Variants in SIGLEC12 observed in about 807,000 individuals in gnomAD.
SIGLEC12 encodes sialic acid-binding Ig-like lectin 12.
A neutral mutation model predicts 54.1 loss-of-function variants in SIGLEC12; 43 were observed. The ratio of observed to expected loss-of-function variants is 0.80; its 90% CI spans 0.62 to 1.03. The LOEUF (loss-of-function observed/expected upper bound fraction) is 1.03, where lower values mean the gene tolerates loss of function less well. SIGLEC12 is among the 50% of genes least tolerant of loss of function. SIGLEC12 has a pLI of 0.00. For missense variants in SIGLEC12, 802 were observed against 735.2 expected, an observed-to-expected ratio of 1.09 and a Z score of -1.05; for synonymous variants, 357 against 307.6, an observed-to-expected ratio of 1.16 and a Z score of -1.68.
rs746239305 is a variant in SIGLEC12 at position 51,498,009 on chromosome 19, C to T, written c.1405+9G>A. 5 of 1,614,078 alleles carry T rather than the reference C, an allele frequency of 3.1e-6. No homozygotes were observed. Among genetic ancestry groups the T allele is most frequent in the African/African-American group, 2.7e-5 (2 of 75,062 alleles). ...TGTGTTCTCCTCCTCCAGACCCTCC[C>T]CTACCCACCTGTGTACTCGTTTTGC... On this transcript the variant is annotated intron_variant, in intron 5 of 7. Coordinates refer to ENST00000291707, the MANE Select transcript of SIGLEC12 (RefSeq NM_053003.4).
intron 7 of SIGLEC12, among the ~76,000 whole-genome samples, chr19:51,494,237 A>G (rs1486237594): frequency 6.6e-6 from 1 of 152,192 alleles, no homozygotes; most frequent in Non-Finnish European, 1.5e-5. Flanking sequence ...TTTAATATCC[A>G]GAATATATTA....
In SIGLEC12 at chr19:51,497,978, G is replaced by A. The variant is rs754699021; in HGVS notation, c.1405+40C>T. 11 of 1,609,462 alleles carry A rather than the reference G, an allele frequency of 6.8e-6. No individual in the cohort carries two copies. The Admixed American group carries it at 1.5e-4, about 22-fold the overall frequency. ...TCTCCCAGCTGGACCCTGAGGGTGG[G>A]ACATGTGTGTTCTCCTCCTCCAGAC... On this transcript the variant is annotated intron_variant, in intron 5 of 7. Transcript: ENST00000291707.
rs549712490 is a variant in SIGLEC12, at chr19:51,492,242, A to G, written c.1600-413T>C. Reference sequence around the variant, plus strand: ...ATGGACTGTGGTGGACACGGTAGGCATGGGCTCTGACCCCCTGCATCTCAC... The same window carrying G: ...ATGGACTGTGGTGGACACGGTAGGCGTGGGCTCTGACCCCCTGCATCTCAC... On this transcript the variant is annotated intron_variant, in intron 7 of 7. Transcript: ENST00000291707. Among the ~76,000 whole-genome samples the G allele has an allele frequency of 2.4e-4, 37 of 152,248 alleles. No homozygotes were observed. In the South Asian group the frequency reaches 7.0e-3, roughly 29 times the overall value.
In SIGLEC12 at chr19:51,501,592, A is replaced by G. The variant is rs368298593; in HGVS notation, c.142T>C (p.Tyr48His). 59 of 1,613,988 alleles carry G rather than the reference A, an allele frequency of 3.7e-5. No homozygotes were observed. Among genetic ancestry groups the G allele is most frequent in the Non-Finnish European group, 4.9e-5 (58 of 1,179,976 alleles). ...LCVSVLCSFS[Y>H]PQNGWTASDP... ...GAGGCAGTCCAGCCATTTTGGGGGTAGGAGAAGGAGCAAAGCACAGAGACA... is the reference window on the plus strand; with the variant it reads ...GAGGCAGTCCAGCCATTTTGGGGGTGGGAGAAGGAGCAAAGCACAGAGACA... The change falls in exon 1 of 8, where the codon TAC becomes CAC. Residue 48 changes from tyrosine (Y) to histidine (H), a missense_variant. By Grantham distance (83) the Tyr-to-His change is moderately conservative. Transcript: ENST00000291707.
In SIGLEC12 at chr19:51,495,250, CGGGT is replaced by C. The variant is rs1285489188; in HGVS notation, c.1599+1626_1599+1629del. Among the ~76,000 whole-genome samples the C allele has an allele frequency of 3.2e-4, 13 of 40,404 alleles. 1 individual carries two copies. Among genetic ancestry groups the C allele is most frequent in the South Asian group, 2.2e-3 (2 of 908 alleles). 26.5% of individuals were successfully genotyped at this position (40,404 alleles called of 152,430 possible). ...ATGGATGGATGGATGGATGGATGGACGGGTGGGTGGGTGGATGGATGGATGGATG... is the reference window on the plus strand; with the variant it reads ...ATGGATGGATGGATGGATGGATGGACGGGTGGGTGGATGGATGGATGGATG... On this transcript the variant is annotated intron_variant, in intron 7 of 7. Coordinates refer to ENST00000291707, the MANE Select transcript of SIGLEC12 (RefSeq NM_053003.4).
In SIGLEC12 at chr19:51,498,141, G is replaced by A; in HGVS notation, c.1282C>T (p.Leu428Phe). The A allele has an allele frequency of 3.1e-6, 5 of 1,614,254 alleles. No individual in the cohort carries two copies. The highest frequency in any genetic ancestry group is 4.2e-6 in the Non-Finnish European group (5 of 1,180,046). Residue 428 changes from leucine to phenylalanine, a missense_variant, in exon 5 of 8, where the codon CTT becomes TTT. Leu to Phe is a conservative substitution (Grantham distance 22). Transcript: ENST00000291707. ...LTLSPSQSSNLGVLELPRVHV... is the reference protein window; with the variant it reads ...LTLSPSQSSNFGVLELPRVHV... ...ACTCGAGGCAGCTCCAGCACCCCAA[G>A]GTTCGAGGACTGTGAGGGGCTCAGG...
At position 51,496,892 on chromosome 19, in the gene SIGLEC12, G is replaced by C. The variant is rs143613075; in HGVS notation, c.1587C>G (p.Gly529=). The C allele has an allele frequency of 6.2e-6, 10 of 1,614,092 alleles. No individual in the cohort carries two copies. Among genetic ancestry groups the C allele is most frequent in the Non-Finnish European group, 8.5e-6 (10 of 1,179,988 alleles). The stretch of plus-strand genomic sequence containing the variant: ...AATGCTCACTCACCTGAGAGGCTGA[G>C]CCCCTGACAGCGTTTGCGTCCTCCA... ...TGMEDANAVR[G]SASQGPLIES... The change falls in exon 7 of 8, where the codon GGC becomes GGG. Residue 529 remains glycine (G), a synonymous_variant. Transcript: ENST00000291707.
At chr19:51,501,148 G>A (rs889283511) in intron 1 of SIGLEC12, among the ~76,000 whole-genome samples, 159 bp downstream of exon 1, 1 of 152,066 alleles carries the variant, frequency 6.6e-6, no homozygotes, top group African/African-American at 2.4e-5. Flanking sequence ...ATCAGGAGGG[G>A]CATCCAAGGT....
intron 1 of SIGLEC12, 107 bp downstream of exon 1, chr19:51,501,199 CT>C: frequency 8.3e-7 from 1 of 1,212,050 alleles, no homozygotes; most frequent in South Asian, 1.4e-5. Context: ...AGCTCCTCCC[CT>C]GAGTCCATCA....
At chr19:51,499,835 C>T (rs10420457) in intron 2 of SIGLEC12, 85 bp downstream of exon 2, 962,269 of 1,542,058 alleles carry the variant, frequency 0.62, 303,322 homozygotes, top group Admixed American at 0.73. Context: ...CCTCCAACTC[C>T]CTCCCAGGAT....
At chr19:51,499,366 G>A in intron 3 of SIGLEC12, 72 bp downstream of exon 3, 3 of 1,542,368 alleles carry the variant, frequency 1.9e-6, no homozygotes, top group South Asian at 1.2e-5. Flanking sequence ...AGATCCTTGA[G>A]TCTGGGTCCC....
rs984133035 is a variant in SIGLEC12, at chr19:51,501,310, T to A, written c.424A>T (p.Thr142Ser). ...YKYDQLSVNV[T>S]ASQDLLSRYR... is the part of the protein sequence containing the mutation. ...TCTCTTGGAGCCCGTGCCTTACCTG[T>A]CACATTCACAGAGAGCTGGTCATAT... Residue 142 changes from threonine to serine, a missense_variant, in exon 1 of 8, where the codon ACA (threonine) becomes TCA (serine). Physicochemically the swap from Thr to Ser is moderately conservative, Grantham distance 58. Coordinates refer to ENST00000291707, the MANE Select transcript of SIGLEC12 (RefSeq NM_053003.4). 8.1e-6 allele frequency: 13 copies of A among 1,613,910 alleles called. No homozygotes were observed. Among genetic ancestry groups the A allele is most frequent in the Admixed American group, 5.0e-5 (3 of 60,008 alleles).
At chr19:51,495,446 C>T (rs1346063208) in intron 7 of SIGLEC12, among the ~76,000 whole-genome samples, 23 of 80,532 alleles carry the variant, frequency 2.9e-4, no homozygotes, top group African/African-American at 8.2e-4. Context: ...GATGGATGGA[C>T]TGACGGGTGG....
chr19:51,491,394 A>G lies in SIGLEC12; in HGVS notation c.*247T>C, dbSNP rs1341956842. ...TCTCACTATATTTGGAACCTAAAAT[A>G]GTCGACCTCAGAGAAGTAGAGAAGA... is the stretch of plus-strand genomic sequence containing the variant. On this transcript the variant is annotated 3_prime_UTR_variant, in exon 8 of 8. Transcript: ENST00000291707. 3 of 496,046 alleles carry G rather than the reference A, an allele frequency of 6.0e-6. No homozygotes were observed. The East Asian group carries it at 1.1e-4, about 18-fold the overall frequency. 30.7% of individuals were successfully genotyped at this position (496,046 alleles called of 1,614,324 possible).
rs201756364 is a variant in SIGLEC12 at position 51,499,463 on chromosome 19, G to A, written c.1062C>T (p.Thr354=). 287 of 1,598,534 alleles carry A rather than the reference G, an allele frequency of 1.8e-4. No homozygotes were observed. The highest frequency in any genetic ancestry group is 1.1e-4 in the Admixed American group (6 of 56,680). ...VTLPGAGVTM[T]RAVRLNISYP... ...AGGATATGTTGAGTCGGACAGCCCT[G>A]GTCATGGTCACGCCGGCCCCAGGCA... The change falls in exon 3 of 8, where the codon ACC becomes ACT. Residue 354 remains threonine (T), a synonymous_variant. Transcript: ENST00000291707.
chr19:51,499,496 C>T lies in SIGLEC12; in HGVS notation c.1029G>A (p.Gln343=). 6.2e-7 allele frequency: 1 copy of T among 1,608,012 alleles called. No individual in the cohort carries two copies. The highest frequency in any genetic ancestry group is 1.1e-5 in the South Asian group (1 of 90,380). ...PQDHGTSLTC[Q]VTLPGAGVTM... Reference sequence around the variant, plus strand: ...TCACGCCGGCCCCAGGCAAGGTCACCTGACAGGTGAGGCTGGTGCCATGGT... The same window carrying T: ...TCACGCCGGCCCCAGGCAAGGTCACTTGACAGGTGAGGCTGGTGCCATGGT... The change falls in exon 3 of 8, where the codon CAG becomes CAA. Residue 343 remains glutamine (Q), a synonymous_variant. Coordinates refer to ENST00000291707, the MANE Select transcript of SIGLEC12 (RefSeq NM_053003.4).
rs1337349851 is a variant in SIGLEC12, at chr19:51,500,191, G to C, written c.537C>G (p.Asn179Lys). 12 of 1,614,060 alleles carry C rather than the reference G, an allele frequency of 7.4e-6. No individual in the cohort carries two copies. The highest frequency in any genetic ancestry group is 1.1e-5 in the South Asian group (1 of 91,094). Residue 179 changes from asparagine (N) to lysine (K), a missense_variant, in exon 2 of 8, where the codon AAC becomes AAG. Transcript: ENST00000291707. ...CATAAACAGGGCTAGAGGCAGTCCA[G>C]TTGTAATGGGGGTAAAGGACACTGC... is the stretch of plus-strand genomic sequence containing the variant. Reference protein sequence around the residue: ...VPCSVLYPHYNWTASSPVYGS... With the variant: ...VPCSVLYPHYKWTASSPVYGS...
chr19:51,501,397 C>T lies in SIGLEC12; in HGVS notation c.337G>A (p.Glu113Lys). 2 of 1,614,240 alleles carry T rather than the reference C, an allele frequency of 1.2e-6. No homozygotes were observed. Among genetic ancestry groups the T allele is most frequent in the Non-Finnish European group, 8.5e-7 (1 of 1,180,040 alleles). ...DCTLSIRDTR[E>K]SDAGTYVFCV... ...AAGACGTATGTCCCTGCATCACTCT[C>T]TCTGGTGTCTCTGATGCTCAGGGTA... Residue 113 changes from glutamate (E) to lysine (K), a missense_variant, in exon 1 of 8, where the codon GAG (glutamate) becomes AAG (lysine). By Grantham distance (56) the Glu-to-Lys change is moderately conservative. Transcript: ENST00000291707.
At chr19:51,491,872 C>T (rs1377744876) in intron 7 of SIGLEC12, 43 bp from the exon 8 acceptor site, 3 of 1,449,878 alleles carry the variant, frequency 2.1e-6, no homozygotes, top group Non-Finnish European at 2.8e-6. Flanking sequence ...AGCAGTGGGG[C>T]CAGCATGCAC....
Sources: gnomAD v4.1 joint callset for allele counts (sites outside exome capture counted in the v4.1 genomes callset) on GRCh38, gnomAD v4.1.1 for gene constraint, MANE v1.5 for transcripts, NCBI Gene and HGNC (gene_info 2026-07-23, HGNC 2026-07-21) for gene names.